The following FOCAD variants were observed in gnomAD, a reference collection of about 807,000 sequenced individuals.
FOCAD encodes the protein KIAA1797.
A neutral mutation model predicts 225.6 loss-of-function variants in FOCAD; 198 were observed. The observed-to-expected ratio is 0.88, with a 90% CI of 0.78 to 0.99. FOCAD has a LOEUF of 0.99. Ranked by LOEUF, FOCAD falls within the 50% of genes least tolerant of loss-of-function variation. The pLI is 0.00. For synonymous variants in FOCAD, 897 were observed against 755.0 expected, an observed-to-expected ratio of 1.19 and a Z score of -3.08; for missense variants, 2,713 against 2,123.6, an observed-to-expected ratio of 1.28 and a Z score of -5.46.
At position 20,781,759 on chromosome 9, in the gene FOCAD, A is replaced by C. The variant is rs756821211; in HGVS notation, c.1027A>C (p.Lys343Gln). Residue 343 changes from lysine (K) to glutamine (Q), a missense_variant, in exon 10 of 44, where the codon AAA becomes CAA. Transcript: ENST00000338382. Reference sequence around the variant, plus strand: ...GCTCCTCTCTGTTACTGAGGATCAGAAAATCCCAAAGTCCTCTCTGCTGCT... The same window carrying C: ...GCTCCTCTCTGTTACTGAGGATCAGCAAATCCCAAAGTCCTCTCTGCTGCT... ...LKLLSVTEDQ[K>Q]IPKSSLLLVM... The C allele has an allele frequency of 2.5e-6, 4 of 1,613,988 alleles. No individual in the cohort carries two copies. Among genetic ancestry groups the C allele is most frequent in the Non-Finnish European group, 3.4e-6 (4 of 1,179,980 alleles).
chr9:20,960,639 G>A (rs1430168398), intron 35 of FOCAD, among the ~76,000 whole-genome samples: 3 of 151,522 alleles, frequency 2.0e-5, no homozygotes, highest in Non-Finnish European at 4.4e-5. Context: ...CAATGTGCAG[G>A]TTTGTTACAT....
intron 11 of FOCAD, among the ~76,000 whole-genome samples, chr9:20,796,997 G>A (rs1015835022): frequency 6.6e-6 from 1 of 152,124 alleles, no homozygotes; most frequent in African/African-American, 2.4e-5. Flanking sequence ...TTTGTATAAG[G>A]TATAAGGAAG....
In FOCAD at chr9:20,919,333, G is replaced by T. The variant is rs575015221; in HGVS notation, c.2852+2396G>T. Reference sequence around the variant, plus strand: ...TAAAAGACGATACAAACAAATGGAAGAACATTCCATGTTCCTGGGTAGGAA... The same window carrying T: ...TAAAAGACGATACAAACAAATGGAATAACATTCCATGTTCCTGGGTAGGAA... On this transcript the variant is annotated intron_variant, in intron 24 of 43. Transcript: ENST00000338382. Among the ~76,000 whole-genome samples the T allele has an allele frequency of 2.6e-5, 4 of 152,248 alleles. No homozygotes were observed. In the East Asian group the frequency reaches 7.7e-4, roughly 29 times the overall value.
intron 1 of FOCAD, among the ~76,000 whole-genome samples, chr9:20,695,882 T>C (rs1234104619): frequency 6.6e-6 from 1 of 152,184 alleles, no homozygotes; most frequent in Non-Finnish European, 1.5e-5. Context: ...ATTTTAACAT[T>C]TGTTGTGTAT....
At chr9:20,701,282 C>T (rs773302799) in intron 1 of FOCAD, among the ~76,000 whole-genome samples, 10 of 152,150 alleles carry the variant, frequency 6.6e-5, no homozygotes, top group Non-Finnish European at 8.8e-5. Context: ...TCTTCCTGAG[C>T]GTTCCAATAT....
At chr9:20,903,128 T>C (rs1287458318) in intron 21 of FOCAD, among the ~76,000 whole-genome samples, 2 of 151,930 alleles carry the variant, frequency 1.3e-5, no homozygotes, top group Non-Finnish European at 2.9e-5. Flanking sequence ...CCCATGCTCC[T>C]TTCTAGTCAG....
rs1450846162 is a variant in FOCAD, at chr9:20,698,203, G to A, written c.-33+13910G>A. On this transcript the variant is annotated intron_variant, in intron 1 of 43. Transcript: ENST00000338382. ...ATAAGTAATGTATGCCCCATTGTAA[G>A]AACAAAATTAAAAGTAGCAAAGGCG... is the stretch of plus-strand genomic sequence containing the variant. 3.3e-5 allele frequency among the ~76,000 whole-genome samples: 5 copies of A among 152,080 alleles called. No homozygotes were observed. The East Asian group carries it at 9.7e-4, about 29-fold the overall frequency.
rs1296179660 is a variant in FOCAD at position 20,929,560 on chromosome 9, G to C, written c.3281G>C (p.Gly1094Ala). Reference sequence around the variant, plus strand: ...CAAATCCACATGGGCCTTGCTTTAGGGATGTTTCTCTCTCGCTTGTGTGAA... The same window carrying C: ...CAAATCCACATGGGCCTTGCTTTAGCGATGTTTCTCTCTCGCTTGTGTGAA... ...AVQIHMGLAL[G>A]MFLSRLCEEK... The change falls in exon 27 of 44, where the codon GGG becomes GCG. Residue 1094 changes from glycine to alanine, a missense_variant. Transcript: ENST00000338382. 2 of 1,614,002 alleles carry C rather than the reference G, an allele frequency of 1.2e-6. No homozygotes were observed. Among genetic ancestry groups the C allele is most frequent in the East Asian group, 4.5e-5 (2 of 44,880 alleles).
intron 6 of FOCAD, among the ~76,000 whole-genome samples, chr9:20,763,753 A>G (rs949782991): frequency 6.6e-5 from 10 of 152,178 alleles, no homozygotes; most frequent in African/African-American, 2.4e-4. Context: ...AGCTGGAAAG[A>G]TAAACAGAGG....
chr9:20,962,044 T>G (rs1838778935), intron 35 of FOCAD, among the ~76,000 whole-genome samples: 1 of 152,168 alleles, frequency 6.6e-6, no homozygotes, highest in Non-Finnish European at 1.5e-5. Flanking sequence ...GCTGTAATTC[T>G]CTCTGCCTGT....
intron 1 of FOCAD, among the ~76,000 whole-genome samples, chr9:20,708,598 C>T (rs1348317855): frequency 3.3e-5 from 5 of 151,874 alleles, no homozygotes; most frequent in Middle Eastern, 3.4e-3. Context: ...AGGGAGTCCC[C>T]GTTGCTACAA....
At chr9:20,701,403 C>G (rs1823931994) in intron 1 of FOCAD, among the ~76,000 whole-genome samples, 1 of 152,166 alleles carries the variant, frequency 6.6e-6, no homozygotes, top group African/African-American at 2.4e-5. Context: ...GCTAAGTACT[C>G]ATTTGCAGTG....
Position 20,817,303 on chromosome 9 carries a change from T to C in FOCAD, c.1456-2493T>C, listed in dbSNP as rs535014339. Among the ~76,000 whole-genome samples the C allele has an allele frequency of 2.8e-3, 433 of 152,242 alleles. 5 individuals carry two copies. The highest frequency in any genetic ancestry group is 4.8e-3 in the Non-Finnish European group (323 of 67,996). On this transcript the variant is annotated intron_variant, in intron 11 of 43. Coordinates refer to ENST00000338382, the MANE Select transcript of FOCAD (RefSeq NM_001375567.1). Reference sequence around the variant, plus strand: ...TTTTGTAAACATTACTACAACGAATTTGAGAACATTTCATTACCCCCGAAG... The same window carrying C: ...TTTTGTAAACATTACTACAACGAATCTGAGAACATTTCATTACCCCCGAAG...
rs118094693 is a variant in FOCAD, at chr9:20,913,983, G to A, written c.2807+1029G>A. On this transcript the variant is annotated intron_variant, in intron 23 of 43. Coordinates refer to ENST00000338382, the MANE Select transcript of FOCAD (RefSeq NM_001375567.1). ...CTAGAAGTTTCTTAAGAATGATTTC[G>A]GCTGGATGTGGTGGTTCATGCCTGT... Among the ~76,000 whole-genome samples, 16 of 151,952 alleles carry A rather than the reference G, an allele frequency of 1.1e-4. No homozygotes were observed. In the East Asian group the frequency reaches 2.7e-3, roughly 26 times the overall value.
intron 22 of FOCAD, among the ~76,000 whole-genome samples, chr9:20,911,589 A>G (rs1289377902): frequency 6.6e-6 from 1 of 152,194 alleles, no homozygotes; most frequent in Non-Finnish European, 1.5e-5. Context: ...ATTGACAACA[A>G]ATCTAATAAC....
chr9:20,907,053 A>T (rs1833037800), intron 21 of FOCAD, 97 bp from the exon 22 acceptor site: 2 of 920,404 alleles, frequency 2.2e-6, no homozygotes, highest in African/African-American at 3.3e-5. Context: ...CAGAATCTAA[A>T]CCACTTAAGG....
Position 20,672,682 on chromosome 9 carries a change from C to G in FOCAD, c.-78+13856C>G, listed in dbSNP as rs1035983972. Reference sequence around the variant, plus strand: ...GCCGGGCTGGTCTTGAAATCCTGACCTTGGGTGATCCACCCACCTTGGCCT... The same window carrying G: ...GCCGGGCTGGTCTTGAAATCCTGACGTTGGGTGATCCACCCACCTTGGCCT... On this transcript the variant is annotated intron_variant, in intron 2 of 45. Coordinates refer to the FOCAD transcript ENST00000380249. Among the ~76,000 whole-genome samples, 3 of 152,204 alleles carry G rather than the reference C, an allele frequency of 2.0e-5. No individual in the cohort carries two copies. In the East Asian group the frequency reaches 5.8e-4, roughly 29 times the overall value.
chr9:20,896,538 A>C (rs1275317897), intron 21 of FOCAD, among the ~76,000 whole-genome samples: 1 of 151,902 alleles, frequency 6.6e-6, no homozygotes, highest in Non-Finnish European at 1.5e-5. Flanking sequence ...AATTTCTTTA[A>C]TAGATACAGG....
chr9:20,682,046 T>C (rs932853034), upstream of FOCAD, among the ~76,000 whole-genome samples: 4 of 152,216 alleles, frequency 2.6e-5, no homozygotes, highest in Non-Finnish European at 5.9e-5. Flanking sequence ...TGAGGACTCC[T>C]GTCGTGCCCT....
Sources: gnomAD v4.1 joint callset for allele counts (sites outside exome capture counted in the v4.1 genomes callset) on GRCh38, gnomAD v4.1.1 for gene constraint, MANE v1.5 for transcripts, NCBI Gene and HGNC (gene_info 2026-07-23, HGNC 2026-07-21) for gene names.